Variants in EYS observed in about 807,000 individuals in gnomAD.
EYS encodes the protein EGF-like photoreceptor maintenance factor.
Under a neutral mutation model 282.1 loss-of-function variants are expected in EYS, and 250 were observed. The ratio of observed to expected loss-of-function variants is 0.89; its 90% CI spans 0.80 to 0.98. EYS has a LOEUF of 0.98. Among genes scored for constraint, EYS ranks in the 50% least tolerant of loss-of-function variants. EYS has a pLI of 0.00. For missense variants in EYS, 4,016 were observed against 3,709.0 expected, an observed-to-expected ratio of 1.08 and a Z score of -2.15; for synonymous variants, 1,355 against 1,282.9, an observed-to-expected ratio of 1.06 and a Z score of -1.20.
At chr6:64,952,523 T>C (rs1453914185) in intron 14 of EYS, among the ~76,000 whole-genome samples, 3 of 152,036 alleles carry the variant, frequency 2.0e-5, no homozygotes, top group African/African-American at 4.8e-5. Context: ...CCAGGTAAGC[T>C]AAACTACTTC....
chr6:65,331,274 C>A (rs1388074838), intron 11 of EYS: 27 of 627,068 alleles, frequency 4.3e-5, no homozygotes, highest in Non-Finnish European at 5.2e-5. Flanking sequence ...TATTTAACTC[C>A]ATGCATTATA....
chr6:64,373,447 T>C (rs1772455724), intron 29 of EYS, among the ~76,000 whole-genome samples: 1 of 152,348 alleles, frequency 6.6e-6, no homozygotes, highest in Admixed American at 6.5e-5. Flanking sequence ...GGCCCTAAAC[T>C]GCTGTCTGTG....
intron 12 of EYS, among the ~76,000 whole-genome samples, chr6:65,106,935 CTTAATA>C (rs1775057061): frequency 6.6e-6 from 1 of 151,914 alleles, no homozygotes. Context: ...AGAAAAAGAA[CTTAATA>C]TTATTTATCC....
chr6:64,352,640 A>T (rs973407951), intron 29 of EYS, among the ~76,000 whole-genome samples: 5 of 151,566 alleles, frequency 3.3e-5, no homozygotes, highest in Non-Finnish European at 7.4e-5. Context: ...AAGTTGGTTG[A>T]ATGAGTGATT....
At chr6:64,741,800 G>T (rs1772380214) in intron 22 of EYS, among the ~76,000 whole-genome samples, 1 of 152,112 alleles carries the variant, frequency 6.6e-6, no homozygotes, top group South Asian at 2.1e-4. Flanking sequence ...AGCCTTCACA[G>T]AATTGAAGAC....
At chr6:65,335,264 T>C (rs1459079873) in intron 10 of EYS, 118 bp from the exon 11 acceptor site, 1 of 771,044 alleles carries the variant, frequency 1.3e-6, no homozygotes, top group Non-Finnish European at 2.2e-6. Context: ...AAACCTAGGG[T>C]TAAGGAAACA....
chr6:65,371,535 CT>C (rs1480025800), intron 8 of EYS, among the ~76,000 whole-genome samples: 1 of 149,740 alleles, frequency 6.7e-6, no homozygotes, highest in African/African-American at 2.4e-5. Context: ...CAAAAAAGGC[CT>C]CAAGCAGGAA....
intron 26 of EYS, among the ~76,000 whole-genome samples, chr6:64,451,945 G>T (rs1156719452): frequency 5.9e-5 from 9 of 152,134 alleles, no homozygotes; most frequent in South Asian, 2.1e-4. Context: ...TTGAAATGTG[G>T]CACAAGACAG....
intron 22 of EYS, among the ~76,000 whole-genome samples, chr6:64,791,851 TTAA>T (rs1213827766): frequency 6.6e-6 from 1 of 151,904 alleles, no homozygotes; most frequent in African/African-American, 2.4e-5. Context: ...AAACATGGCA[TTAA>T]TCGTATATAT....
chr6:63,853,550 C>A (rs1010315718), intron 36 of EYS, among the ~76,000 whole-genome samples: 39 of 152,146 alleles, frequency 2.6e-4, no homozygotes, highest in African/African-American at 9.4e-4. Flanking sequence ...TGCAAATGGC[C>A]ATACTGCCCA....
intron 32 of EYS, among the ~76,000 whole-genome samples, chr6:64,075,644 A>G (rs1247932996): frequency 6.6e-6 from 1 of 151,938 alleles, no homozygotes; most frequent in Non-Finnish European, 1.5e-5. Context: ...TTAAATGGAT[A>G]TAACATTCGT....
intron 35 of EYS, among the ~76,000 whole-genome samples, chr6:63,877,378 C>T (rs1197427072): frequency 6.6e-6 from 1 of 152,122 alleles, no homozygotes; most frequent in African/African-American, 2.4e-5. Flanking sequence ...GGTAACCTGA[C>T]CTTTCTCTCT....
intron 24 of EYS, among the ~76,000 whole-genome samples, chr6:64,602,365 T>C (rs1766788532): frequency 6.6e-6 from 1 of 152,100 alleles, no homozygotes; most frequent in Non-Finnish European, 1.5e-5. Context: ...AAACACAGGA[T>C]GGCCCTTTAG....
Position 65,098,290 on chromosome 6 carries a change from C to T in EYS, c.2024-40563G>A, listed in dbSNP as rs114808681. On this transcript the variant is annotated intron_variant, in intron 12 of 42. Transcript: ENST00000503581. ...TTCTTTGAGTAAAAGGGTTAGCGCA[C>T]AGATATTTGTAACTTTGGAGATGTC... 3.5e-3 allele frequency among the ~76,000 whole-genome samples: 525 copies of T among 150,776 alleles called. 4 individuals carry two copies. Among genetic ancestry groups the T allele is most frequent in the African/African-American group, 0.012 (486 of 41,402 alleles).
At chr6:65,218,266 A>G (rs942743761) in intron 12 of EYS, among the ~76,000 whole-genome samples, 2 of 152,156 alleles carry the variant, frequency 1.3e-5, no homozygotes, top group African/African-American at 4.8e-5. Context: ...CATCTCTTAA[A>G]CATACCCTGA....
At chr6:65,021,929 C>T (rs543296292) in intron 13 of EYS, among the ~76,000 whole-genome samples, 4 of 152,264 alleles carry the variant, frequency 2.6e-5, no homozygotes, top group South Asian at 2.1e-4. Flanking sequence ...TGAGAACTCA[C>T]TCACTCACTA....
At chr6:65,673,145 C>T (rs1324617165) in intron 1 of EYS, among the ~76,000 whole-genome samples, 3 of 152,084 alleles carry the variant, frequency 2.0e-5, no homozygotes, top group African/African-American at 7.2e-5. Context: ...GATCAGAGGC[C>T]TGACATTCCT....
At chr6:64,208,268 A>G (rs978955772) in intron 31 of EYS, among the ~76,000 whole-genome samples, 19 of 152,112 alleles carry the variant, frequency 1.2e-4, no homozygotes, top group African/African-American at 4.1e-4. Flanking sequence ...ATTTCCTCCA[A>G]TATTGGTTGT....
At position 64,360,013 on chromosome 6, in the gene EYS, GT is replaced by G. The variant is rs1487026248; in HGVS notation, c.6078+28676del. On this transcript the variant is annotated intron_variant, in intron 29 of 42. Coordinates refer to ENST00000503581, the MANE Select transcript of EYS (RefSeq NM_001142800.2). ...AAGCTCTACTAACCTTCCTCAAATG[GT>G]TTCAAGTTTCTTCATAATATGGGCA... Among the ~76,000 whole-genome samples, 5 of 151,688 alleles carry G rather than the reference GT, an allele frequency of 3.3e-5. No individual in the cohort carries two copies. In the East Asian group the frequency reaches 9.8e-4, roughly 30 times the overall value.
Sources: gnomAD v4.1 joint callset for allele counts (sites outside exome capture counted in the v4.1 genomes callset) on GRCh38, gnomAD v4.1.1 for gene constraint, MANE v1.5 for transcripts, NCBI Gene and HGNC (gene_info 2026-07-23, HGNC 2026-07-21) for gene names.